The following UPP2 variants were observed in gnomAD, a reference collection of about 807,000 sequenced individuals.
The protein encoded by UPP2 is uridine phosphorylase 2.
A neutral mutation model predicts 26.7 loss-of-function variants in UPP2; 23 were observed. That is an observed-to-expected ratio of 0.86 (90% CI 0.62 to 1.22). The LOEUF (loss-of-function observed/expected upper bound fraction) is 1.22. Among genes scored for constraint, UPP2 ranks in the 50% most tolerant of loss-of-function variants. UPP2 has a pLI of 0.00. For missense variants in UPP2, 387 were observed against 396.7 expected (o/e 0.98, Z 0.21); for synonymous variants, 127 against 141.3 (o/e 0.90, Z 0.72).
rs73968538 is a variant in UPP2, at chr2:158,056,699, C to T, written c.147+40813C>T. 3.5e-3 allele frequency among the ~76,000 whole-genome samples: 533 copies of T among 152,264 alleles called. 2 individuals are homozygous for T. Among genetic ancestry groups the T allele is most frequent in the African/African-American group, 0.012 (489 of 41,540 alleles). On this transcript the variant is annotated intron_variant, in intron 3 of 9. Transcript: ENST00000605860. The stretch of plus-strand genomic sequence containing the variant: ...CCTTCTCCATGTATCTTCACATGGC[C>T]GTGAGATTCTTAGAAGGACGGCAGT...
intron 3 of UPP2, among the ~76,000 whole-genome samples, chr2:158,029,652 A>T (rs1312747962): frequency 6.6e-6 from 1 of 151,478 alleles, no homozygotes; most frequent in African/African-American, 2.4e-5. Context: ...TAAACTGGGC[A>T]CTCCTTACCT....
intron 6 of UPP2, among the ~76,000 whole-genome samples, chr2:158,130,742 T>C (rs2105234516): frequency 6.6e-6 from 1 of 152,296 alleles, no homozygotes; most frequent in Middle Eastern, 3.4e-3. Context: ...TTTAAAGTCT[T>C]TGAAGCAGTC....
At chr2:158,093,934 C>G (rs72940865) in intron 3 of UPP2, among the ~76,000 whole-genome samples, 15,825 of 150,152 alleles carry the variant, frequency 0.11, 1,081 homozygotes, top group Non-Finnish European at 0.16. Flanking sequence ...CATAAAAAAG[C>G]CAGTTTTAAA....
At chr2:158,055,670 C>A (rs972464216) in intron 3 of UPP2, among the ~76,000 whole-genome samples, 1 of 152,108 alleles carries the variant, frequency 6.6e-6, no homozygotes, top group Non-Finnish European at 1.5e-5. Context: ...GGCTGTGCAA[C>A]TATGATGTCA....
intron 3 of UPP2, among the ~76,000 whole-genome samples, chr2:158,038,908 C>T (rs1443409480): frequency 2.0e-5 from 3 of 152,134 alleles, no homozygotes; most frequent in Non-Finnish European, 2.9e-5. Context: ...TCCATCGGGG[C>T]ATCCATAATT....
intron 2 of UPP2, among the ~76,000 whole-genome samples, chr2:158,014,699 TA>T (rs1278338924): frequency 2.0e-4 from 31 of 152,330 alleles, no homozygotes; most frequent in African/African-American, 7.5e-4. Flanking sequence ...TACTGATTAA[TA>T]CAGCTATTCT....
At chr2:158,065,876 T>C in intron 3 of UPP2, 1 of 645,620 alleles carries the variant, frequency 1.5e-6, no homozygotes. Context: ...TTGGGAGAGC[T>C]CCAGTACTTG....
chr2:158,085,995 A>G (rs1376047187), intron 3 of UPP2, among the ~76,000 whole-genome samples: 2 of 151,936 alleles, frequency 1.3e-5, no homozygotes, highest in East Asian at 3.9e-4. Flanking sequence ...TGGTTTTGGT[A>G]TTAGGGTGAT....
At chr2:158,051,793 A>AACAACAACG (rs1199944899) in intron 3 of UPP2, among the ~76,000 whole-genome samples, 1 of 151,996 alleles carries the variant, frequency 6.6e-6, no homozygotes, top group Non-Finnish European at 1.5e-5. Flanking sequence ...CAACAACAAC[A>AACAACAACG]ACAACAACAA....
chr2:158,069,018 T>G (rs1682493756), intron 3 of UPP2, among the ~76,000 whole-genome samples: 1 of 150,682 alleles, frequency 6.6e-6, no homozygotes, highest in Non-Finnish European at 1.5e-5. Flanking sequence ...GAGGTTTCAC[T>G]GTGTTAGCCA....
intron 2 of UPP2, among the ~76,000 whole-genome samples, chr2:158,106,537 T>C (rs1183417256): frequency 6.6e-6 from 1 of 152,176 alleles, no homozygotes; most frequent in Non-Finnish European, 1.5e-5. Context: ...GCTCACTATT[T>C]AGCATCTACA....
intron 2 of UPP2, among the ~76,000 whole-genome samples, chr2:158,012,561 C>A (rs1280527179): frequency 6.6e-6 from 1 of 151,814 alleles, no homozygotes. Context: ...AGCCACCGTG[C>A]CTAGCTGATA....
intron 2 of UPP2, among the ~76,000 whole-genome samples, chr2:157,997,810 G>A (rs548109483): frequency 6.6e-6 from 1 of 152,102 alleles, no homozygotes; most frequent in Admixed American, 6.5e-5. Flanking sequence ...CTTTGAAAGG[G>A]GATGTTCATT....
chr2:158,099,584 C>A (rs1468334409), upstream of UPP2, among the ~76,000 whole-genome samples: 2 of 152,132 alleles, frequency 1.3e-5, no homozygotes, highest in African/African-American at 4.8e-5. Context: ...TTTGCTGATA[C>A]CCCATGGAGA....
At chr2:157,999,840 C>A (rs7582575) in intron 2 of UPP2, among the ~76,000 whole-genome samples, 1 of 151,870 alleles carries the variant, frequency 6.6e-6, no homozygotes, top group Non-Finnish European at 1.5e-5. Context: ...AAATCACACA[C>A]ACACTTACCC....
At chr2:158,017,684 A>G (rs1401954774) in intron 3 of UPP2, among the ~76,000 whole-genome samples, 1 of 152,114 alleles carries the variant, frequency 6.6e-6, no homozygotes, top group Non-Finnish European at 1.5e-5. Flanking sequence ...TGGGCATACA[A>G]CTCTGTAAGC....
At chr2:158,060,660 G>A (rs1682338061) in intron 3 of UPP2, among the ~76,000 whole-genome samples, 1 of 152,202 alleles carries the variant, frequency 6.6e-6, no homozygotes, top group Non-Finnish European at 1.5e-5. Context: ...AACTTCCAAT[G>A]AGATAGTATC....
At chr2:158,096,920 TG>T (rs1227611289), upstream of UPP2, among the ~76,000 whole-genome samples, 1 of 152,076 alleles carries the variant, frequency 6.6e-6, no homozygotes, top group Non-Finnish European at 1.5e-5. Context: ...TTTACTTATC[TG>T]GGGAGAAAGG....
At chr2:158,095,160 G>A (rs1274256623) in intron 3 of UPP2, among the ~76,000 whole-genome samples, 1 of 152,216 alleles carries the variant, frequency 6.6e-6, no homozygotes, top group Non-Finnish European at 1.5e-5. Context: ...TCATAGGGAA[G>A]TGATGAGCCT....
Sources: allele counts gnomAD v4.1 joint callset (sites outside exome capture counted in the v4.1 genomes callset), GRCh38; gene constraint gnomAD v4.1.1; transcripts MANE v1.5; gene names NCBI Gene and HGNC (gene_info 2026-07-23, HGNC 2026-07-21).